ALKBH8: variants seen among roughly 807,000 people sequenced by gnomAD.
ALKBH8 encodes alkB homolog 8, tRNA methyltransferase.
In ALKBH8, 36 loss-of-function variants were observed where a neutral mutation model predicts 59.8. That is an observed-to-expected ratio of 0.60 (90% confidence interval 0.46 to 0.79). The LOEUF is 0.79. ALKBH8 is among the 30% of genes least tolerant of loss of function. The pLI is 0.00. For synonymous variants in ALKBH8, 276 were observed against 273.6 expected (o/e 1.01, Z -0.09); for missense variants, 768 against 801.0 (o/e 0.96, Z 0.50).
At chr11:107,536,406 TA>T (rs113500684) in intron 7 of ALKBH8, among the ~76,000 whole-genome samples, 8,173 of 152,270 alleles carry the variant, frequency 0.054, 752 homozygotes, top group African/African-American at 0.18. Flanking sequence ...AATGATGATG[TA>T]GAAGAATACG....
At chr11:107,514,010 T>C (rs1307595904) in intron 10 of ALKBH8, among the ~76,000 whole-genome samples, 1 of 151,952 alleles carries the variant, frequency 6.6e-6, no homozygotes, top group Non-Finnish European at 1.5e-5. Context: ...TTTACCTATA[T>C]AACAAACCTG....
At chr11:107,516,043 T>C (rs1041861661) in intron 10 of ALKBH8, among the ~76,000 whole-genome samples, 8 of 152,214 alleles carry the variant, frequency 5.3e-5, no homozygotes, top group African/African-American at 1.9e-4. Flanking sequence ...TGAGTACGCA[T>C]ATAGATTAAA....
chr11:107,541,111 C>T (rs979697987), intron 7 of ALKBH8, among the ~76,000 whole-genome samples: 2 of 152,018 alleles, frequency 1.3e-5, no homozygotes, highest in African/African-American at 4.8e-5. Flanking sequence ...TAGATTGCTC[C>T]CCATGAGGAA....
rs1862284630 is a variant in ALKBH8 at position 107,504,268 on chromosome 11, T to C, written c.*390A>G. 1 of 463,384 alleles carries C rather than the reference T, an allele frequency of 2.2e-6. No homozygotes were observed. The highest frequency in any genetic ancestry group is 3.8e-6 in the Non-Finnish European group (1 of 266,006). 28.7% of individuals were successfully genotyped at this position (463,384 alleles called of 1,614,324 possible). A position where few individuals can be genotyped will look rare whatever the true frequency, so the allele number is the denominator to read the frequency against. On this transcript the variant is annotated 3_prime_UTR_variant, in exon 12 of 12. Coordinates refer to ENST00000428149, the MANE Select transcript of ALKBH8 (RefSeq NM_138775.3). ...AGGTAAAACTTCAGACAATTTTCTA[T>C]TGACCAGGACTATTTTCTGTATTAA... is the stretch of plus-strand genomic sequence containing the variant.
At chr11:107,509,841 CA>C (rs1565311835) in intron 11 of ALKBH8, among the ~76,000 whole-genome samples, 1 of 151,870 alleles carries the variant, frequency 6.6e-6, no homozygotes, top group Non-Finnish European at 1.5e-5. Context: ...TTTGTGATTG[CA>C]AAAAATGGAT....
chr11:107,542,868 C>T (rs1864100072), intron 7 of ALKBH8, among the ~76,000 whole-genome samples: 1 of 152,152 alleles, frequency 6.6e-6, no homozygotes, highest in African/African-American at 2.4e-5. Context: ...CATGAGTGTG[C>T]CACTGCACTC....
intron 11 of ALKBH8, among the ~76,000 whole-genome samples, chr11:107,506,123 A>G (rs1789162): frequency 0.87 from 132,479 of 152,138 alleles, 58,194 homozygotes; most frequent in Non-Finnish European, 0.92. Context: ...CTGCCAAGGT[A>G]TAAAATAGCC....
chr11:107,557,095 T>G, intron 2 of ALKBH8, 92 bp from the exon 3 acceptor site: 1 of 954,578 alleles, frequency 1.0e-6, no homozygotes. Context: ...TTAAAAAAGA[T>G]GTAATTAAGA....
chr11:107,544,400 AC>A (rs1398763350), intron 7 of ALKBH8, among the ~76,000 whole-genome samples: 1 of 152,216 alleles, frequency 6.6e-6, no homozygotes, highest in Admixed American at 6.5e-5. Flanking sequence ...CCTGTTAAGA[AC>A]TGTCAGCATT....
chr11:107,536,787 CA>C (rs1402284895), intron 7 of ALKBH8, among the ~76,000 whole-genome samples: 1 of 152,076 alleles, frequency 6.6e-6, no homozygotes, highest in Non-Finnish European at 1.5e-5. Flanking sequence ...CCCTCCTCCA[CA>C]AAAAGGCCTC....
chr11:107,525,339 A>G, intron 9 of ALKBH8, 102 bp downstream of exon 9: 1 of 1,063,116 alleles, frequency 9.4e-7, no homozygotes, highest in Non-Finnish European at 1.3e-6. Context: ...AAATGCCATT[A>G]GAGAGATTCA....
At position 107,560,817 on chromosome 11, in the gene ALKBH8, T is replaced by C. The variant is rs747578351; in HGVS notation, c.77A>G (p.Lys26Arg). 14 of 1,613,322 alleles carry C rather than the reference T, an allele frequency of 8.7e-6. No individual in the cohort carries two copies. The highest frequency in any genetic ancestry group is 1.3e-5 in the African/African-American group (1 of 74,890). Residue 26 changes from lysine (K) to arginine (R), a missense_variant, in exon 2 of 12, where the codon AAG becomes AGG. By Grantham distance (26) the Lys-to-Arg change is conservative. Coordinates refer to ENST00000428149, the MANE Select transcript of ALKBH8 (RefSeq NM_138775.3). The stretch of plus-strand genomic sequence containing the variant: ...GCCTTCATGTCTCAGCAAAGTATGC[T>C]TGGCTTTAATCTGTTTCCTTAAGAA... ...KKFLRKQIKAKHTLLRHEGIE... is the reference protein window; with the variant it reads ...KKFLRKQIKARHTLLRHEGIE...
At chr11:107,554,979 G>T (rs1201684346) in intron 3 of ALKBH8, among the ~76,000 whole-genome samples, 2 of 152,220 alleles carry the variant, frequency 1.3e-5, no homozygotes, top group Non-Finnish European at 2.9e-5. Flanking sequence ...ATTTGTGATG[G>T]CTGGGTGCGG....
intron 9 of ALKBH8, among the ~76,000 whole-genome samples, chr11:107,523,126 A>C (rs2135502829): frequency 6.6e-6 from 1 of 152,350 alleles, no homozygotes; most frequent in Non-Finnish European, 1.5e-5. Context: ...TATCCAAAGA[A>C]AATGAAATTA....
At chr11:107,547,121 T>C (rs1429019835) in intron 7 of ALKBH8, among the ~76,000 whole-genome samples, 1 of 152,068 alleles carries the variant, frequency 6.6e-6, no homozygotes, top group East Asian at 1.9e-4. Flanking sequence ...ACCAAAACAA[T>C]AATGCCACTG....
At chr11:107,525,837 T>G (rs1165163464) in intron 8 of ALKBH8, among the ~76,000 whole-genome samples, 2 of 151,828 alleles carry the variant, frequency 1.3e-5, no homozygotes, top group Non-Finnish European at 2.9e-5. Flanking sequence ...AATAAATATT[T>G]AATTAACACC....
At position 107,504,957 on chromosome 11, in the gene ALKBH8, C is replaced by T; in HGVS notation, c.1696G>A (p.Gly566Arg). ...GAAACTTGCCTTGAATTACATCCTCCTTCCTGAGAGTCATTAATGCGGGGG... is the reference window on the plus strand; with the variant it reads ...GAAACTTGCCTTGAATTACATCCTCTTTCCTGAGAGTCATTAATGCGGGGG... The part of the protein sequence containing the change: ...SVPRINDSQE[G>R]GCNSRQVSNS... Residue 566 changes from glycine (G) to arginine (R), a missense_variant, in exon 12 of 12, where the codon GGA becomes AGA. Coordinates refer to ENST00000428149, the MANE Select transcript of ALKBH8 (RefSeq NM_138775.3). 1 of 1,551,822 alleles carries T rather than the reference C, an allele frequency of 6.4e-7. No individual in the cohort carries two copies. Among genetic ancestry groups the T allele is most frequent in the Non-Finnish European group, 8.7e-7 (1 of 1,146,928 alleles).
At chr11:107,524,864 AAG>A (rs1305788954) in intron 9 of ALKBH8, among the ~76,000 whole-genome samples, 6 of 152,212 alleles carry the variant, frequency 3.9e-5, no homozygotes, top group African/African-American at 1.4e-4. Flanking sequence ...TACAAAATGA[AAG>A]AGGTGTCTGT....
At chr11:107,544,053 G>C (rs1050025888) in intron 7 of ALKBH8, among the ~76,000 whole-genome samples, 2 of 152,188 alleles carry the variant, frequency 1.3e-5, no homozygotes, top group African/African-American at 4.8e-5. Flanking sequence ...CAGCCAACTG[G>C]TAGTTTCATC....
Sources: allele counts gnomAD v4.1 joint callset (sites outside exome capture counted in the v4.1 genomes callset), GRCh38; gene constraint gnomAD v4.1.1; transcripts MANE v1.5; gene names NCBI Gene and HGNC (gene_info 2026-07-23, HGNC 2026-07-21).